Variants in DCP2 observed in about 807,000 individuals in gnomAD.
The protein encoded by DCP2 is m7GpppN-mRNA hydrolase.
In DCP2, 30 loss-of-function variants were observed where a neutral mutation model predicts 56.1. That is an observed-to-expected ratio of 0.53 (90% confidence interval 0.40 to 0.73). DCP2 has a LOEUF of 0.73. DCP2 is among the 30% of genes least tolerant of loss of function. The pLI, the probability that DCP2 is intolerant of heterozygous loss-of-function variation, is 0.00. For missense variants in DCP2, 533 were observed against 502.7 expected (o/e 1.06, Z -0.58); for synonymous variants, 197 against 163.3 (o/e 1.21, Z -1.57).
intron 9 of DCP2, 130 bp downstream of exon 9, chr5:113,008,172 G>A: frequency 1.4e-6 from 1 of 725,510 alleles, no homozygotes; most frequent in Admixed American, 2.8e-5. Context: ...GGATTTTTGT[G>A]TAGCTGACTT....
rs1478557627 is a variant in DCP2, at chr5:113,015,940, T to G, written c.*2456T>G. ...CATTTACTTCTACTGAGTGCTGCAT[T>G]TTAAGATGCTAGATGAGAAGAGTAG... On this transcript the variant is annotated 3_prime_UTR_variant, in exon 11 of 11. Transcript: ENST00000389063. The G allele has an allele frequency of 1.3e-5, 2 of 152,648 alleles. No individual in the cohort carries two copies. The highest frequency in any genetic ancestry group is 1.3e-4 in the Admixed American group (2 of 15,280). 9.5% of individuals were successfully genotyped at this position (152,648 alleles called of 1,614,324 possible).
rs1749854631 is a variant in DCP2, at chr5:113,015,627, A to G, written c.*2143A>G. Reference sequence around the variant, plus strand: ...GGTACTGTTGGGGTGTGATTATGATAACTTCAGGCTTTTAGCTCTCCTCAA... The same window carrying G: ...GGTACTGTTGGGGTGTGATTATGATGACTTCAGGCTTTTAGCTCTCCTCAA... On this transcript the variant is annotated 3_prime_UTR_variant, in exon 11 of 11. Coordinates refer to ENST00000389063, the MANE Select transcript of DCP2 (RefSeq NM_152624.6). 6.6e-6 allele frequency: 1 copy of G among 152,664 alleles called. No individual in the cohort carries two copies. Among genetic ancestry groups the G allele is most frequent in the African/African-American group, 2.4e-5 (1 of 41,456 alleles). The allele number at this position is 152,664 out of a possible 1,614,324, so 9.5% of individuals were successfully genotyped here.
intron 2 of DCP2, among the ~76,000 whole-genome samples, chr5:112,987,307 G>C (rs1266174419): frequency 2.6e-5 from 4 of 152,176 alleles, no homozygotes; most frequent in Admixed American, 1.3e-4. Context: ...TTTGAAAAAG[G>C]ATAGCTCAAT....
intron 7 of DCP2, among the ~76,000 whole-genome samples, chr5:113,003,094 G>GTT (rs1479242897): frequency 1.1e-4 from 17 of 152,128 alleles, no homozygotes; most frequent in Non-Finnish European, 1.9e-4. Flanking sequence ...TGGATATTCT[G>GTT]AGGACAGGAG....
At chr5:112,995,702 A>G (rs1748816460) in intron 4 of DCP2, among the ~76,000 whole-genome samples, 1 of 152,178 alleles carries the variant, frequency 6.6e-6, no homozygotes, top group African/African-American at 2.4e-5. Context: ...CTTTAATTTC[A>G]GTAAATTTTT....
intron 1 of DCP2, among the ~76,000 whole-genome samples, chr5:112,983,182 G>C (rs748649214): frequency 1.4e-4 from 21 of 152,096 alleles, no homozygotes; most frequent in Non-Finnish European, 2.8e-4. Context: ...ATGAAGTCTG[G>C]GTTTCTCTTC....
chr5:112,978,212 T>C (rs775298197), intron 1 of DCP2, among the ~76,000 whole-genome samples: 56 of 152,176 alleles, frequency 3.7e-4, no homozygotes, highest in Admixed American at 1.0e-3. Flanking sequence ...TCTGACCTCG[T>C]GATCCACCCG....
chr5:112,991,439 TG>T (rs1278556480), intron 2 of DCP2, among the ~76,000 whole-genome samples: 1 of 152,188 alleles, frequency 6.6e-6, no homozygotes, highest in African/African-American at 2.4e-5. Context: ...TGCCCAGTTT[TG>T]GGGGGAGGCA....
At position 112,976,811 on chromosome 5, in the gene DCP2, G is replaced by GAGTCGTCTCTGCCGC. The variant is rs747201548; in HGVS notation, c.-122_-108dup. Reference sequence around the variant, plus strand: ...CCCCTTCCCCTTCTCGTCTCCGTTGGAGTCGTCTCTGCCGCGGCTTCCTCG... The same window carrying GAGTCGTCTCTGCCGC: ...CCCCTTCCCCTTCTCGTCTCCGTTGGAGTCGTCTCTGCCGCAGTCGTCTCTGCCGCGGCTTCCTCG... On this transcript the variant is annotated 5_prime_UTR_variant, in exon 1 of 11. Coordinates refer to ENST00000389063, the MANE Select transcript of DCP2 (RefSeq NM_152624.6). The GAGTCGTCTCTGCCGC allele has an allele frequency of 9.4e-6, 9 of 960,092 alleles. No individual in the cohort carries two copies. In the African/African-American group the frequency reaches 1.3e-4, roughly 14 times the overall value. 59.5% of individuals were successfully genotyped at this position (960,092 alleles called of 1,614,324 possible). A position where few individuals can be genotyped will look rare whatever the true frequency, so the allele number is the denominator to read the frequency against.
intron 4 of DCP2, among the ~76,000 whole-genome samples, chr5:112,994,612 ATTC>A (rs1448763668): frequency 6.6e-6 from 1 of 152,186 alleles, no homozygotes; most frequent in African/African-American, 2.4e-5. Flanking sequence ...TGTTTGCCGT[ATTC>A]TTATTTCTTA....
chr5:112,978,283 C>A (rs1027777678), intron 1 of DCP2, among the ~76,000 whole-genome samples: 3 of 152,274 alleles, frequency 2.0e-5, no homozygotes, highest in African/African-American at 7.2e-5. Context: ...CCTGGAGTTT[C>A]TACTGTGCAC....
intron 2 of DCP2, among the ~76,000 whole-genome samples, chr5:112,991,725 C>T (rs575607168): frequency 2.0e-5 from 3 of 152,102 alleles, no homozygotes; most frequent in Non-Finnish European, 2.9e-5. Context: ...CTTGTTATTA[C>T]GCTAATATAT....
intron 10 of DCP2, among the ~76,000 whole-genome samples, chr5:113,011,206 G>T (rs959907085): frequency 6.6e-6 from 1 of 152,130 alleles, no homozygotes; most frequent in Admixed American, 6.5e-5. Context: ...AATCACTGTG[G>T]TTCTTCCCAT....
Position 113,013,426 on chromosome 5 carries a change from G to C in DCP2, c.1205G>C (p.Arg402Thr). The C allele has an allele frequency of 6.2e-7, 1 of 1,614,116 alleles. No individual in the cohort carries two copies. Among genetic ancestry groups the C allele is most frequent in the Non-Finnish European group, 8.5e-7 (1 of 1,179,992 alleles). ...CATTGCAAGTTCCCCTTTTCATCCA[G>C]AGCCTTTTTGAGTTTCAAGTTTGAC... ...NGHCKFPFSSRAFLSFKFDHN... is the reference protein window; with the variant it reads ...NGHCKFPFSSTAFLSFKFDHN... The change falls in exon 11 of 11, where the codon AGA (arginine) becomes ACA (threonine). Residue 402 changes from arginine (R) to threonine (T), a missense_variant. This residue lies in a region of DCP2 where 392 missense variants were observed against 346.6 expected (regional missense o/e 1.13). Transcript: ENST00000389063.
At chr5:113,002,205 C>T (rs1188310060) in intron 7 of DCP2, among the ~76,000 whole-genome samples, 1 of 152,066 alleles carries the variant, frequency 6.6e-6, no homozygotes. Flanking sequence ...GGTGGATCAC[C>T]TGAGATCATG....
intron 9 of DCP2, among the ~76,000 whole-genome samples, chr5:113,009,013 T>G (rs989345199): frequency 6.6e-6 from 1 of 152,094 alleles, no homozygotes; most frequent in Non-Finnish European, 1.5e-5. Context: ...CTGGCTAATT[T>G]TTTTTTGTAT....
intron 1 of DCP2, among the ~76,000 whole-genome samples, chr5:112,981,218 C>A (rs941393617): frequency 6.6e-6 from 1 of 152,068 alleles, no homozygotes; most frequent in Non-Finnish European, 1.5e-5. Context: ...TTTGCCCAGC[C>A]TGGTCTCAAA....
At position 113,017,797 on chromosome 5, in the gene DCP2, TAAGTG is replaced by T. The variant is rs1281627541; in HGVS notation, c.*4314_*4318del. 6.6e-6 allele frequency: 1 copy of T among 152,222 alleles called. No individual in the cohort carries two copies. Among genetic ancestry groups the T allele is most frequent in the Non-Finnish European group, 1.5e-5 (1 of 68,038 alleles). The allele number at this position is 152,222 out of a possible 1,614,324, so 9.4% of individuals were successfully genotyped here. A position where few individuals can be genotyped will look rare whatever the true frequency, so the allele number is the denominator to read the frequency against. ...CTAGAAATGTGATCATTGCATGGCC[TAAGTG>T]TAGTCATTCATATATATATGAATAT... On this transcript the variant is annotated 3_prime_UTR_variant, in exon 11 of 11. Transcript: ENST00000389063.
At position 113,013,366 on chromosome 5, in the gene DCP2, A is replaced by T; in HGVS notation, c.1145A>T (p.Glu382Val). The change falls in exon 11 of 11, where the codon GAA becomes GTA. Residue 382 changes from glutamate to valine, a missense_variant. Physicochemically the swap from Glu to Val is moderately radical, Grantham distance 121. This residue lies in a region of DCP2 where 392 missense variants were observed against 346.6 expected (regional missense o/e 1.13). Coordinates refer to ENST00000389063, the MANE Select transcript of DCP2 (RefSeq NM_152624.6). ...AGCTCCAGTGAAGACCAGTTGCTAGAACATGCTGAGGGACAGCCCGTGGCA... is the reference window on the plus strand; with the variant it reads ...AGCTCCAGTGAAGACCAGTTGCTAGTACATGCTGAGGGACAGCCCGTGGCA... The part of the protein sequence containing the change: ...LPSSSEDQLL[E>V]HAEGQPVACN... 1 of 1,614,156 alleles carries T rather than the reference A, an allele frequency of 6.2e-7. No homozygotes were observed. Among genetic ancestry groups the T allele is most frequent in the Non-Finnish European group, 8.5e-7 (1 of 1,179,992 alleles).
Sources: gnomAD v4.1 joint callset for allele counts (sites outside exome capture counted in the v4.1 genomes callset) on GRCh38, gnomAD v4.1.1 for gene constraint, gnomAD v4.1.1 regional missense constraint, MANE v1.5 for transcripts, NCBI Gene and HGNC (gene_info 2026-07-23, HGNC 2026-07-21) for gene names.